CDCA7L: variants seen among roughly 807,000 people sequenced by gnomAD.
The protein encoded by CDCA7L is cell division cycle associated 7 like.
Under a neutral mutation model 57.4 loss-of-function variants are expected in CDCA7L, and 44 were observed. The ratio of observed to expected loss-of-function variants is 0.77; its 90% CI spans 0.60 to 0.98. The LOEUF (loss-of-function observed/expected upper bound fraction) is 0.98, where lower values mean the gene tolerates loss of function less well. Ranked by LOEUF, CDCA7L falls within the 50% of genes least tolerant of loss-of-function variation. The pLI is 0.00. For synonymous variants in CDCA7L, 236 were observed against 202.8 expected (o/e 1.16, Z -1.39); for missense variants, 644 against 580.6 (o/e 1.11, Z -1.12).
intron 2 of CDCA7L, among the ~76,000 whole-genome samples, chr7:21,912,815 G>T (rs1054777359): frequency 6.6e-6 from 1 of 152,192 alleles, no homozygotes; most frequent in African/African-American, 2.4e-5. Context: ...TGAGCAGAAG[G>T]AAAGATGCAA....
intron 9 of CDCA7L, chr7:21,902,722 A>AG: frequency 2.0e-6 from 1 of 502,070 alleles, no homozygotes; most frequent in South Asian, 2.8e-5. Flanking sequence ...CATTTCTGTC[A>AG]TACACCTCAA....
intron 1 of CDCA7L, among the ~76,000 whole-genome samples, chr7:21,926,881 T>C (rs1419836024): frequency 6.6e-6 from 1 of 151,854 alleles, no homozygotes; most frequent in Non-Finnish European, 1.5e-5. Context: ...TCACAACTAA[T>C]AATAATAACA....
intron 9 of CDCA7L, chr7:21,902,640 G>A (rs553881987): frequency 4.8e-5 from 25 of 521,790 alleles, no homozygotes; most frequent in African/African-American, 2.5e-4. Context: ...CTCTCTCTCT[G>A]CACTAGGATT....
chr7:21,944,883 A>AAAAAAAAC (rs1201874467), intron 1 of CDCA7L: 2 of 152,076 alleles, frequency 1.3e-5, no homozygotes, highest in African/African-American at 4.8e-5. Flanking sequence ...TGGAAAAAAA[A>AAAAAAAAC]AAAAAAACAA....
At chr7:21,929,585 G>A (rs1314366956) in intron 1 of CDCA7L, among the ~76,000 whole-genome samples, 1 of 122,534 alleles carries the variant, frequency 8.2e-6, no homozygotes, top group African/African-American at 3.1e-5. Flanking sequence ...GACACACATA[G>A]GCTCAAAATA....
chr7:21,924,074 T>C lies in CDCA7L; in HGVS notation c.25-7180A>G, dbSNP rs147625308. ...GTGAAGTATTGTTCATTTAAAACTT[T>C]ATATTGTGAAATTAAGTATAATATT... On this transcript the variant is annotated intron_variant, in intron 1 of 9. Coordinates refer to ENST00000406877, the MANE Select transcript of CDCA7L (RefSeq NM_018719.5). Among the ~76,000 whole-genome samples the C allele has an allele frequency of 4.9e-3, 748 of 152,362 alleles. 4 individuals carry two copies. Among genetic ancestry groups the C allele is most frequent in the African/African-American group, 0.017 (715 of 41,584 alleles).
rs139442302 is a variant in CDCA7L, at chr7:21,911,895, T to G, written c.166-141A>C. 41 of 667,618 alleles carry G rather than the reference T, an allele frequency of 6.1e-5. No individual in the cohort carries two copies. The African/African-American group carries it at 6.7e-4, about 11-fold the overall frequency. 41.4% of individuals were successfully genotyped at this position (667,618 alleles called of 1,614,324 possible). A position where few individuals can be genotyped will look rare whatever the true frequency, so the allele number is the denominator to read the frequency against. On this transcript the variant is annotated intron_variant, in intron 2 of 9. Coordinates refer to ENST00000406877, the MANE Select transcript of CDCA7L (RefSeq NM_018719.5). ...GGATGGACAACAATGTGAATGTACTTAATGCACTGAACTGTACACATCAAA... is the reference window on the plus strand; with the variant it reads ...GGATGGACAACAATGTGAATGTACTGAATGCACTGAACTGTACACATCAAA...
At chr7:21,941,848 T>A (rs981750310) in intron 1 of CDCA7L, among the ~76,000 whole-genome samples, 1 of 152,212 alleles carries the variant, frequency 6.6e-6, no homozygotes, top group Non-Finnish European at 1.5e-5. Context: ...TAGCACAGCA[T>A]GACTTTTAAA....
chr7:21,905,650 C>T lies in CDCA7L; in HGVS notation c.922-19G>A. On this transcript the variant is annotated intron_variant, in intron 6 of 9. Coordinates refer to ENST00000406877, the MANE Select transcript of CDCA7L (RefSeq NM_018719.5). ...ATTTCCCCTGCACAATGAACACAAG[C>T]AGAACATGGAGATGTGTTGAGCAGT... is the stretch of plus-strand genomic sequence containing the variant. The T allele has an allele frequency of 6.2e-7, 1 of 1,611,838 alleles. No individual in the cohort carries two copies.
At chr7:21,937,598 A>C (rs1198330187) in intron 1 of CDCA7L, among the ~76,000 whole-genome samples, 1 of 151,606 alleles carries the variant, frequency 6.6e-6, no homozygotes. Context: ...AGATTGCACC[A>C]CTGCACCCTA....
chr7:21,928,747 T>C lies in CDCA7L; in HGVS notation c.25-11853A>G, dbSNP rs1051337265. Reference sequence around the variant, plus strand: ...AATGAAATAAAGCATGAAGAGAAGATTAGAGAAAAAAAGAGTGAAAAAGGA... The same window carrying C: ...AATGAAATAAAGCATGAAGAGAAGACTAGAGAAAAAAAGAGTGAAAAAGGA... On this transcript the variant is annotated intron_variant, in intron 1 of 9. Coordinates refer to ENST00000406877, the MANE Select transcript of CDCA7L (RefSeq NM_018719.5). 9.3e-5 allele frequency among the ~76,000 whole-genome samples: 14 copies of C among 150,374 alleles called. 1 individual carries two copies. Among genetic ancestry groups the C allele is most frequent in the African/African-American group, 2.7e-4 (11 of 40,790 alleles).
chr7:21,917,754 C>T (rs1031643350), intron 1 of CDCA7L, among the ~76,000 whole-genome samples: 2 of 152,150 alleles, frequency 1.3e-5, no homozygotes, highest in African/African-American at 4.8e-5. Flanking sequence ...CAACCTAATC[C>T]ATATATTCCC....
chr7:21,905,461 A>G, intron 7 of CDCA7L, 45 bp downstream of exon 7: 1 of 1,596,674 alleles, frequency 6.3e-7, no homozygotes, highest in Non-Finnish European at 8.6e-7. Context: ...TTCAATACCA[A>G]TGCCTTCGAC....
intron 1 of CDCA7L, among the ~76,000 whole-genome samples, chr7:21,933,797 A>G (rs1209149493): frequency 7.0e-6 from 1 of 141,902 alleles, no homozygotes; most frequent in African/African-American, 2.5e-5. Flanking sequence ...AACTTAAAGT[A>G]TAAAAAAAAG....
Position 21,906,651 on chromosome 7 carries a change from A to C in CDCA7L, c.682-12T>G. 2 of 1,613,532 alleles carry C rather than the reference A, an allele frequency of 1.2e-6. No homozygotes were observed. The highest frequency in any genetic ancestry group is 1.7e-6 in the Non-Finnish European group (2 of 1,179,942). ...AATAACTGGGCAAGCTGAAGTTCAG[A>C]ACAAAAGAAAGAATCTTACAAAAAT... On this transcript the variant is annotated splice_polypyrimidine_tract_variant and intron_variant, in intron 4 of 9. Transcript: ENST00000406877.
intron 1 of CDCA7L, among the ~76,000 whole-genome samples, chr7:21,937,097 C>T (rs75210955): frequency 1.3e-5 from 2 of 151,790 alleles, no homozygotes; most frequent in Admixed American, 6.6e-5. Flanking sequence ...ACCAAAAAGG[C>T]GAAAAAAGCC....
intron 3 of CDCA7L, among the ~76,000 whole-genome samples, chr7:21,910,263 C>G (rs982311629): frequency 1.3e-5 from 2 of 152,208 alleles, no homozygotes; most frequent in African/African-American, 4.8e-5. Context: ...ATCGTGCTGG[C>G]AAGAAGCTAG....
At chr7:21,921,411 G>C (rs1467077443) in intron 1 of CDCA7L, among the ~76,000 whole-genome samples, 1 of 148,548 alleles carries the variant, frequency 6.7e-6, no homozygotes, top group Non-Finnish European at 1.5e-5. Flanking sequence ...TCTAACAGAT[G>C]CAACAAAGGC....
At chr7:21,913,616 T>C (rs1288564733) in intron 2 of CDCA7L, among the ~76,000 whole-genome samples, 2 of 152,256 alleles carry the variant, frequency 1.3e-5, no homozygotes, top group East Asian at 1.9e-4. Context: ...GGCCAGCCCC[T>C]GCAGGCTAAT....
Sources: gnomAD v4.1 joint callset for allele counts (sites outside exome capture counted in the v4.1 genomes callset) on GRCh38, gnomAD v4.1.1 for gene constraint, MANE v1.5 for transcripts, NCBI Gene and HGNC (gene_info 2026-07-23, HGNC 2026-07-21) for gene names.